The following MTSS2 variants were observed in gnomAD, a reference collection of about 807,000 sequenced individuals.
MTSS2 encodes the protein protein MTSS 2.
Under a neutral mutation model 67.1 loss-of-function variants are expected in MTSS2, and 27 were observed. The ratio of observed to expected loss-of-function variants is 0.40; its 90% CI spans 0.30 to 0.55. The LOEUF is 0.55. Ranked by LOEUF, MTSS2 falls within the 20% of genes least tolerant of loss-of-function variation. The probability of loss-of-function intolerance (pLI) is 0.43; values close to 1 mark genes in which losing one functional copy is unlikely to be tolerated. For synonymous variants in MTSS2, 624 were observed against 468.6 expected (o/e 1.33, Z -4.28); for missense variants, 1,171 against 1,067.8 (o/e 1.10, Z -1.35).
chr16:70,685,697 GCCCGGCCCCGCCGCGCC>G lies in MTSS2; in HGVS notation c.69+9_69+25del. ...GGGGGTCCCGCACCCGTCGCCGCGCGCCCGGCCCCGCCGCGCCCCGGTTACCTTCATGTCGTTGACTA... is the reference window on the plus strand; with the variant it reads ...GGGGGTCCCGCACCCGTCGCCGCGCGCCGGTTACCTTCATGTCGTTGACTA... On this transcript the variant is annotated intron_variant, in intron 1 of 14. Transcript: ENST00000338779. The G allele has an allele frequency of 3.1e-6, 4 of 1,277,642 alleles. No homozygotes were observed. Among genetic ancestry groups the G allele is most frequent in the South Asian group, 1.8e-5 (1 of 55,078 alleles). The allele number at this position is 1,277,642 out of a possible 1,614,324, so 79.1% of individuals were successfully genotyped here. A position where few individuals can be genotyped will look rare whatever the true frequency, so the allele number is the denominator to read the frequency against.
intron 1 of MTSS2, among the ~76,000 whole-genome samples, chr16:70,683,483 G>A (rs1032101856): frequency 6.6e-6 from 1 of 152,216 alleles, no homozygotes; most frequent in Non-Finnish European, 1.5e-5. Context: ...ACTCTTGAGG[G>A]GTGGGTGAAG....
rs911312954 is a variant in MTSS2, at chr16:70,661,501, A to AAAAG, written c.*2172_*2175dup. 1.4e-5 allele frequency: 5 copies of AAAAG among 352,500 alleles called. No individual in the cohort carries two copies. Among genetic ancestry groups the AAAAG allele is most frequent in the African/African-American group, 8.6e-5 (4 of 46,374 alleles). 21.8% of individuals were successfully genotyped at this position (352,500 alleles called of 1,614,324 possible). A position where few individuals can be genotyped will look rare whatever the true frequency, so the allele number is the denominator to read the frequency against. On this transcript the variant is annotated 3_prime_UTR_variant, in exon 15 of 15. Coordinates refer to ENST00000338779, the MANE Select transcript of MTSS2 (RefSeq NM_138383.3). Reference sequence around the variant, plus strand: ...TTACTTCAGTCAAAAGACGCTTTTGAAAAGAATATTTCTCCGTACAAAATG... The same window carrying AAAAG: ...TTACTTCAGTCAAAAGACGCTTTTGAAAAGAAAGAATATTTCTCCGTACAAAATG...
rs1319092572 is a variant in MTSS2, at chr16:70,668,988, A to AG, written c.1054-3449dup. Reference sequence around the variant, plus strand: ...TCAATTGGATATCCATATGAAAAAAAGGACCCCTACCTCACACCACACACA... The same window carrying AG: ...TCAATTGGATATCCATATGAAAAAAAGGGACCCCTACCTCACACCACACACA... On this transcript the variant is annotated intron_variant, in intron 11 of 14. Coordinates refer to ENST00000338779, the MANE Select transcript of MTSS2 (RefSeq NM_138383.3). 2.0e-5 allele frequency among the ~76,000 whole-genome samples: 3 copies of AG among 152,240 alleles called. No individual in the cohort carries two copies. In the East Asian group the frequency reaches 5.8e-4, roughly 29 times the overall value.
chr16:70,679,807 G>T lies in MTSS2; in HGVS notation c.361C>A (p.Leu121Met). 6 of 1,610,296 alleles carry T rather than the reference G, an allele frequency of 3.7e-6. No individual in the cohort carries two copies. The highest frequency in any genetic ancestry group is 5.1e-6 in the Non-Finnish European group (6 of 1,179,670). ...IEDWKKAANQLDKDHAKEYKR... is the reference protein window; with the variant it reads ...IEDWKKAANQMDKDHAKEYKR... ...TCACCTTTCGCGTGGTCCTTGTCCA[G>T]CTGGTTGGCCGCCTTCTTCCAGTCC... The change falls in exon 5 of 15, where the codon CTG becomes ATG. Residue 121 changes from leucine (L) to methionine (M), a missense_variant. Coordinates refer to ENST00000338779, the MANE Select transcript of MTSS2 (RefSeq NM_138383.3).
At chr16:70,677,498 G>T (rs1158461602) in intron 9 of MTSS2, among the ~76,000 whole-genome samples, 1 of 152,132 alleles carries the variant, frequency 6.6e-6, no homozygotes, top group Admixed American at 6.5e-5. Flanking sequence ...TCCAGGTTCG[G>T]CAGGAGGTCT....
rs758224683 is a variant in MTSS2 at position 70,664,383 on chromosome 16, T to G, written c.1538A>C (p.Lys513Thr). Residue 513 changes from lysine to threonine, a missense_variant, in exon 15 of 15, where the codon AAG becomes ACG. Coordinates refer to ENST00000338779, the MANE Select transcript of MTSS2 (RefSeq NM_138383.3). ...GCTGTTGCGCGGGATGGTGGATGAC[T>G]TGTCAAACTCGGGCGGGCCCTCGCT... is the stretch of plus-strand genomic sequence containing the variant. ...ADSEGPPEFD[K>T]SSTIPRNSNI... 1 of 1,576,598 alleles carries G rather than the reference T, an allele frequency of 6.3e-7. No homozygotes were observed. The highest frequency in any genetic ancestry group is 1.9e-5 in the Admixed American group (1 of 52,336).
rs567460778 is a variant in MTSS2 at position 70,670,788 on chromosome 16, A to AC, written c.1053+3517dup. Among the ~76,000 whole-genome samples, 154 of 151,906 alleles carry AC rather than the reference A, an allele frequency of 1.0e-3. 1 individual carries two copies. Among genetic ancestry groups the AC allele is most frequent in the African/African-American group, 3.3e-3 (136 of 41,410 alleles). On this transcript the variant is annotated intron_variant, in intron 11 of 14. Transcript: ENST00000338779. ...AGACCAGCCTAGGAAACATAGTGAG[A>AC]CCCCCATCTCTATAAAAGAAAAAAT...
At chr16:70,680,918 G>GGGGGGGGGGGGGGCCC in intron 2 of MTSS2, 46 bp downstream of exon 2, 2 of 1,097,880 alleles carry the variant, frequency 1.8e-6, no homozygotes, top group Non-Finnish European at 2.7e-6. Flanking sequence ...CGGGGGGGGG[G>GGGGGGGGGGGGGGCCC]CCTCTGCCTG....
chr16:70,685,746 G>T lies in MTSS2; in HGVS notation c.46C>A (p.Gln16Lys), dbSNP rs754694462. The T allele has an allele frequency of 2.9e-6, 4 of 1,395,568 alleles. No homozygotes were observed. The highest frequency in any genetic ancestry group is 1.5e-5 in the African/African-American group (1 of 66,464). The allele number at this position is 1,395,568 out of a possible 1,614,324, so 86.4% of individuals were successfully genotyped here. Residue 16 changes from glutamine to lysine, a missense_variant, in exon 1 of 15, where the codon CAG becomes AAG. This residue lies in a region of MTSS2 where 247 missense variants were observed against 311.8 expected (regional missense o/e 0.79). Coordinates refer to ENST00000338779, the MANE Select transcript of MTSS2 (RefSeq NM_138383.3). ...KECGALGGLFQAIVNDMKSSY... is the reference protein window; with the variant it reads ...KECGALGGLFKAIVNDMKSSY... ...ACCTTCATGTCGTTGACTATGGCCT[G>T]GAAGAGCCCGCCCAGGGCGCCGCAC...
chr16:70,666,234 G>A (rs755964108), intron 11 of MTSS2, among the ~76,000 whole-genome samples: 104 of 152,168 alleles, frequency 6.8e-4, no homozygotes, highest in Admixed American at 1.0e-3. Flanking sequence ...TGGGGCCATC[G>A]GCTTGGGGCA....
chr16:70,670,607 CAT>C (rs2052898156), intron 11 of MTSS2, among the ~76,000 whole-genome samples: 1 of 152,028 alleles, frequency 6.6e-6, no homozygotes, highest in South Asian at 2.1e-4. Context: ...ATCTCATAAA[CAT>C]AACTGAGCAA....
In MTSS2 at chr16:70,685,814, G is replaced by A. The variant is rs1371189182; in HGVS notation, c.-23C>T. 1.6e-6 allele frequency: 2 copies of A among 1,276,786 alleles called. No individual in the cohort carries two copies. Among genetic ancestry groups the A allele is most frequent in the African/African-American group, 3.1e-5 (2 of 63,612 alleles). The allele number at this position is 1,276,786 out of a possible 1,614,324, so 79.1% of individuals were successfully genotyped here. A position where few individuals can be genotyped will look rare whatever the true frequency, so the allele number is the denominator to read the frequency against. ...CATGCTCTGGCTGGGCCGGGCCGCG[G>A]CGGCGGCTAGGCGCACGGAGCGCGG... On this transcript the variant is annotated 5_prime_UTR_variant, in exon 1 of 15. Transcript: ENST00000338779.
At chr16:70,671,726 A>G (rs1039251729) in intron 11 of MTSS2, among the ~76,000 whole-genome samples, 4 of 152,172 alleles carry the variant, frequency 2.6e-5, no homozygotes, top group Non-Finnish European at 5.9e-5. Flanking sequence ...AAAGGGAGAA[A>G]TAATGACTCT....
intron 11 of MTSS2, among the ~76,000 whole-genome samples, chr16:70,673,900 A>G (rs1403888923): frequency 6.6e-6 from 1 of 152,168 alleles, no homozygotes; most frequent in African/African-American, 2.4e-5. Context: ...CTTACAATCC[A>G]GCAGACGGGG....
intron 11 of MTSS2, 103 bp from the exon 12 acceptor site, chr16:70,665,643 G>T: frequency 9.9e-7 from 1 of 1,007,720 alleles, no homozygotes; most frequent in Non-Finnish European, 1.5e-6. Flanking sequence ...ATGCAGGGGG[G>T]CGGTTCAATT....
At chr16:70,671,231 C>A (rs144216589) in intron 11 of MTSS2, among the ~76,000 whole-genome samples, 1 of 151,586 alleles carries the variant, frequency 6.6e-6, no homozygotes, top group Admixed American at 6.6e-5. Flanking sequence ...GGCAAAACCC[C>A]GCCTCTGCTA....
At chr16:70,685,107 C>T (rs912582908) in intron 1 of MTSS2, among the ~76,000 whole-genome samples, 3 of 152,024 alleles carry the variant, frequency 2.0e-5, no homozygotes, top group Non-Finnish European at 4.4e-5. Flanking sequence ...CAACCTTCAT[C>T]CCGCCTCCTC....
At chr16:70,672,543 C>A in intron 11 of MTSS2, among the ~76,000 whole-genome samples, 1 of 151,360 alleles carries the variant, frequency 6.6e-6, no homozygotes, top group African/African-American at 2.4e-5. Context: ...AGTAAGATGT[C>A]AACACTGGGG....
chr16:70,676,870 C>T lies in MTSS2; in HGVS notation c.830+11G>A, dbSNP rs1003689538. 1 of 1,611,346 alleles carries T rather than the reference C, an allele frequency of 6.2e-7. No individual in the cohort carries two copies. On this transcript the variant is annotated intron_variant, in intron 10 of 14. Coordinates refer to ENST00000338779, the MANE Select transcript of MTSS2 (RefSeq NM_138383.3). ...GCCCCCCACACCCCTGGGAACCCCA[C>T]CCCCACTGACCTGCACATGCTGGAC...
Sources: allele counts gnomAD v4.1 joint callset (sites outside exome capture counted in the v4.1 genomes callset), GRCh38; gene constraint gnomAD v4.1.1; regional missense constraint gnomAD v4.1.1; transcripts MANE v1.5; gene names NCBI Gene and HGNC (gene_info 2026-07-23, HGNC 2026-07-21).